Variants in DCAF5 observed in about 807,000 individuals in gnomAD.
DCAF5 encodes DDB1- and CUL4-associated factor 5.
DCAF5 carries 9 observed loss-of-function variants against 80.7 expected under a neutral mutation model. That is an observed-to-expected ratio of 0.11 (90% confidence interval 0.07 to 0.19). The LOEUF (loss-of-function observed/expected upper bound fraction) is 0.19. Among genes scored for constraint, DCAF5 ranks in the 10% least tolerant of loss-of-function variants. The probability of loss-of-function intolerance (pLI) is 1.00; values close to 1 mark genes in which losing one functional copy is unlikely to be tolerated. For synonymous variants in DCAF5, 433 were observed against 461.9 expected (o/e 0.94, Z 0.80); for missense variants, 842 against 1,205.7 (o/e 0.70, Z 4.47).
chr14:69,149,915 G>A (rs543120354), intron 1 of DCAF5, among the ~76,000 whole-genome samples: 3 of 152,144 alleles, frequency 2.0e-5, no homozygotes, highest in South Asian at 4.1e-4. Flanking sequence ...CATGACACTA[G>A]TTTTAAACGT....
In DCAF5 at chr14:69,054,820, C is replaced by T. The variant is rs1566714909; in HGVS notation, c.1866G>A (p.Val622=). ...EDNYDYPQIK[V]DDLSSSPTSS... is the part of the protein sequence containing the mutation. ...AGGTTGGGGAGGAGGAGAGGTCATC[C>T]ACTTTGATCTGGGGGTAATCATAGT... The change falls in exon 9 of 9, where the codon GTG becomes GTA. Residue 622 remains valine (V), a synonymous_variant. Transcript: ENST00000341516. 6.2e-7 allele frequency: 1 copy of T among 1,614,208 alleles called. No homozygotes were observed.
intron 7 of DCAF5, among the ~76,000 whole-genome samples, chr14:69,063,509 C>T (rs1264783749): frequency 1.3e-5 from 2 of 152,314 alleles, no homozygotes; most frequent in East Asian, 1.9e-4. Context: ...CATTTATCTA[C>T]TCAAGGGATC....
intron 6 of DCAF5, chr14:69,084,072 G>C (rs369071001): frequency 1.3e-6 from 1 of 787,406 alleles, no homozygotes. Flanking sequence ...TAAAACCCCA[G>C]CTTTTCTCAT....
intron 6 of DCAF5, among the ~76,000 whole-genome samples, chr14:69,086,358 AAAAC>A (rs529860798): frequency 8.5e-5 from 13 of 152,176 alleles, no homozygotes; most frequent in South Asian, 4.1e-4. Context: ...ACTCCGTCTA[AAAAC>A]AAACAAACAA....
At chr14:69,079,652 A>G (rs2039026732) in intron 6 of DCAF5, among the ~76,000 whole-genome samples, 1 of 152,186 alleles carries the variant, frequency 6.6e-6, no homozygotes, top group South Asian at 2.1e-4. Context: ...TCATTCCTTT[A>G]TTCATTAAAC....
intron 5 of DCAF5, among the ~76,000 whole-genome samples, chr14:69,102,501 T>A (rs2039989256): frequency 6.6e-6 from 1 of 151,968 alleles, no homozygotes; most frequent in Non-Finnish European, 1.5e-5. Context: ...AGGCACATTG[T>A]GCAGCTGTAC....
chr14:69,080,377 CAAG>C (rs926209912), intron 6 of DCAF5, among the ~76,000 whole-genome samples: 1 of 152,010 alleles, frequency 6.6e-6, no homozygotes, highest in African/African-American at 2.4e-5. Context: ...GAAATATAAG[CAAG>C]AAAACAAAGA....
intron 6 of DCAF5, chr14:69,083,829 T>C (rs2039210230): frequency 1.4e-5 from 10 of 727,130 alleles, no homozygotes; most frequent in South Asian, 1.2e-4. Context: ...AAACAGAAAA[T>C]AATGTTGAGA....
intron 7 of DCAF5, among the ~76,000 whole-genome samples, chr14:69,073,706 T>C (rs1414432569): frequency 6.6e-6 from 1 of 152,212 alleles, no homozygotes; most frequent in Non-Finnish European, 1.5e-5. Flanking sequence ...TACAATACTA[T>C]TGCTAATTCT....
Position 69,054,662 on chromosome 14 carries a change from G to A in DCAF5, c.2024C>T (p.Ser675Leu). The A allele has an allele frequency of 6.2e-7, 1 of 1,614,194 alleles. No individual in the cohort carries two copies. The highest frequency in any genetic ancestry group is 8.5e-7 in the Non-Finnish European group (1 of 1,180,032). Reference sequence around the variant, plus strand: ...GGAGGTCTCTCCATCTTTGTTATTTGAGTAGGAGATATAAGAGTAGCGGAG... The same window carrying A: ...GGAGGTCTCTCCATCTTTGTTATTTAAGTAGGAGATATAAGAGTAGCGGAG... The part of the protein sequence containing the change: ...KWLRYSYISY[S>L]NNKDGETSLV... Residue 675 changes from serine (S) to leucine (L), a missense_variant, in exon 9 of 9, where the codon TCA (serine) becomes TTA (leucine). Transcript: ENST00000341516.
At chr14:69,133,802 C>A (rs1270620139) in intron 1 of DCAF5, among the ~76,000 whole-genome samples, 1 of 152,132 alleles carries the variant, frequency 6.6e-6, no homozygotes, top group East Asian at 1.9e-4. Flanking sequence ...GAGGTCCTGG[C>A]TTGCCTTAGC....
intron 6 of DCAF5, among the ~76,000 whole-genome samples, chr14:69,086,763 G>A (rs1402116863): frequency 1.3e-5 from 2 of 152,136 alleles, no homozygotes; most frequent in African/African-American, 2.4e-5. Flanking sequence ...GTCTGAGGGA[G>A]GCCATTTATC....
At position 69,079,757 on chromosome 14, in the gene DCAF5, C is replaced by T. The variant is rs151300056; in HGVS notation, c.880-4346G>A. Among the ~76,000 whole-genome samples the T allele has an allele frequency of 2.9e-3, 448 of 152,090 alleles. 2 individuals are homozygous for T. Among genetic ancestry groups the T allele is most frequent in the African/African-American group, 0.01 (422 of 41,462 alleles). On this transcript the variant is annotated intron_variant, in intron 6 of 8. Coordinates refer to ENST00000341516, the MANE Select transcript of DCAF5 (RefSeq NM_003861.3). Reference sequence around the variant, plus strand: ...GAGACCCTGTTCCTGTCCCATGAAGCTTACATTCCATTAATGGGAAGAGGA... The same window carrying T: ...GAGACCCTGTTCCTGTCCCATGAAGTTTACATTCCATTAATGGGAAGAGGA...
chr14:69,135,534 T>C (rs1595056586), intron 1 of DCAF5, among the ~76,000 whole-genome samples: 2 of 152,216 alleles, frequency 1.3e-5, no homozygotes, highest in South Asian at 4.1e-4. Flanking sequence ...GCTTTTTTCA[T>C]GAATAACATT....
At position 69,069,242 on chromosome 14, in the gene DCAF5, T is replaced by C. The variant is rs559885303; in HGVS notation, c.946+6103A>G. ...GCCTACTTCATCAGCCTACTGCCAG[T>C]GGGGGTGGTTACAGTGACTCGGCAG... is the stretch of plus-strand genomic sequence containing the variant. On this transcript the variant is annotated intron_variant, in intron 7 of 8. Transcript: ENST00000341516. Among the ~76,000 whole-genome samples the C allele has an allele frequency of 3.3e-5, 5 of 152,116 alleles. No individual in the cohort carries two copies. The South Asian group carries it at 8.3e-4, about 25-fold the overall frequency.
At chr14:69,139,964 AAAG>A (rs2041314992) in intron 1 of DCAF5, among the ~76,000 whole-genome samples, 1 of 151,900 alleles carries the variant, frequency 6.6e-6, no homozygotes, top group African/African-American at 2.4e-5. Context: ...AAGGAGAAAG[AAAG>A]AAGAAAAGAG....
At chr14:69,142,888 G>A (rs2041418600) in intron 1 of DCAF5, among the ~76,000 whole-genome samples, 1 of 152,142 alleles carries the variant, frequency 6.6e-6, no homozygotes, top group Admixed American at 6.5e-5. Context: ...TTTTAACTGG[G>A]CTAACAGACA....
chr14:69,144,800 G>C (rs2041488394), intron 1 of DCAF5, among the ~76,000 whole-genome samples: 1 of 152,100 alleles, frequency 6.6e-6, no homozygotes, highest in Admixed American at 6.5e-5. Flanking sequence ...TGCCTACAAA[G>C]GGAAAAGAGA....
At chr14:69,123,205 G>A (rs143432477) in intron 1 of DCAF5, among the ~76,000 whole-genome samples, 20 of 152,272 alleles carry the variant, frequency 1.3e-4, no homozygotes, top group African/African-American at 4.3e-4. Flanking sequence ...AAAGATACCC[G>A]TTAAGGGGGA....
Sources: allele counts gnomAD v4.1 joint callset (sites outside exome capture counted in the v4.1 genomes callset), GRCh38; gene constraint gnomAD v4.1.1; transcripts MANE v1.5; gene names NCBI Gene and HGNC (gene_info 2026-07-23, HGNC 2026-07-21).